The following KCNJ6 variants were observed in gnomAD, a reference collection of about 807,000 sequenced individuals.
KCNJ6 encodes the protein potassium inwardly rectifying channel subfamily J member 6, also known as G protein-activated inward rectifier potassium channel 2.
A neutral mutation model predicts 34.2 loss-of-function variants in KCNJ6; 9 were observed. The ratio of observed to expected loss-of-function variants is 0.26; its 90% CI spans 0.16 to 0.46. The LOEUF (loss-of-function observed/expected upper bound fraction) is 0.46, where lower values mean the gene tolerates loss of function less well. Ranked by LOEUF, KCNJ6 falls within the 20% of genes least tolerant of loss-of-function variation. The pLI is 1.00. For synonymous variants in KCNJ6, 196 were observed against 207.1 expected (o/e 0.95, Z 0.46); for missense variants, 236 against 531.3 (o/e 0.44, Z 5.46).
intron 2 of KCNJ6, among the ~76,000 whole-genome samples, chr21:37,752,341 C>T (rs1483186109): frequency 1.3e-5 from 2 of 152,178 alleles, no homozygotes; most frequent in East Asian, 3.9e-4. Flanking sequence ...AACAGGCTGA[C>T]CAGCATCCTA....
chr21:37,821,002 C>T (rs895533272), intron 2 of KCNJ6, among the ~76,000 whole-genome samples: 1 of 152,146 alleles, frequency 6.6e-6, no homozygotes, highest in African/African-American at 2.4e-5. Flanking sequence ...AGATACTAAT[C>T]TTCTATTTAA....
At chr21:37,633,228 A>C (rs1371611982) in intron 3 of KCNJ6, among the ~76,000 whole-genome samples, 1 of 152,172 alleles carries the variant, frequency 6.6e-6, no homozygotes, top group African/African-American at 2.4e-5. Flanking sequence ...AAAGATTGAA[A>C]GATCATTTAA....
chr21:37,766,375 T>C (rs1303504000), intron 2 of KCNJ6, among the ~76,000 whole-genome samples: 2 of 152,086 alleles, frequency 1.3e-5, no homozygotes, highest in Non-Finnish European at 2.9e-5. Flanking sequence ...TAAAAAGGAA[T>C]GGGTGCAGGG....
intron 3 of KCNJ6, among the ~76,000 whole-genome samples, chr21:37,634,218 C>T (rs1003855515): frequency 1.8e-4 from 27 of 152,150 alleles, no homozygotes; most frequent in Admixed American, 5.9e-4. Flanking sequence ...CTTGGTGCCA[C>T]GCCCAAGGTA....
chr21:37,655,179 T>TGTGTGTGTGTG (rs1377937886), intron 3 of KCNJ6, among the ~76,000 whole-genome samples: 18 of 24,022 alleles, frequency 7.5e-4, no homozygotes, highest in African/African-American at 3.0e-3. Context: ...CTCTAGACAT[T>TGTGTGTGTGTG]TGTGTGTGTG....
At chr21:37,778,689 C>CG (rs1555843328) in intron 2 of KCNJ6, among the ~76,000 whole-genome samples, 1 of 130,738 alleles carries the variant, frequency 7.6e-6, no homozygotes, top group Non-Finnish European at 1.6e-5. Flanking sequence ...TATCCGTGTG[C>CG]TGTGTGCGTG....
chr21:37,818,370 AGGC>A (rs1423675877), intron 2 of KCNJ6, among the ~76,000 whole-genome samples: 1 of 152,180 alleles, frequency 6.6e-6, no homozygotes, highest in Non-Finnish European at 1.5e-5. Context: ...ATTATCTAAA[AGGC>A]GGGCAGGGAC....
At chr21:37,807,592 A>G (rs548786491) in intron 2 of KCNJ6, among the ~76,000 whole-genome samples, 1 of 152,354 alleles carries the variant, frequency 6.6e-6, no homozygotes, top group Admixed American at 6.5e-5. Flanking sequence ...ATTGTGTTCC[A>G]ATTTCCTACA....
chr21:37,906,924 G>A (rs2055844522), intron 1 of KCNJ6, among the ~76,000 whole-genome samples: 2 of 152,150 alleles, frequency 1.3e-5, no homozygotes, highest in South Asian at 4.1e-4. Flanking sequence ...GGTATTGACT[G>A]GTGAGACCTT....
chr21:37,912,434 T>A (rs2055871316), intron 1 of KCNJ6, among the ~76,000 whole-genome samples: 1 of 152,218 alleles, frequency 6.6e-6, no homozygotes, highest in Admixed American at 6.5e-5. Context: ...CACCCCCCTT[T>A]TTAATTTATT....
chr21:37,654,579 G>A (rs2054449125), intron 3 of KCNJ6, among the ~76,000 whole-genome samples: 1 of 152,090 alleles, frequency 6.6e-6, no homozygotes, highest in Admixed American at 6.5e-5. Context: ...GACCCCTCTG[G>A]CCACCATGCA....
intron 1 of KCNJ6, among the ~76,000 whole-genome samples, chr21:37,869,086 C>A (rs2123610579): frequency 6.6e-6 from 1 of 152,330 alleles, no homozygotes; most frequent in Admixed American, 6.5e-5. Flanking sequence ...GCAGTGAATT[C>A]TTTAGGGATG....
chr21:37,844,294 G>C (rs999616630), intron 1 of KCNJ6, among the ~76,000 whole-genome samples: 1 of 152,004 alleles, frequency 6.6e-6, no homozygotes, highest in African/African-American at 2.4e-5. Context: ...TGTTGACCTC[G>C]TGATCCGCCC....
chr21:37,725,019 C>T (rs773142698), intron 2 of KCNJ6, among the ~76,000 whole-genome samples: 58 of 151,282 alleles, frequency 3.8e-4, no homozygotes, highest in Non-Finnish European at 7.8e-4. Context: ...ATATTTCTGA[C>T]AATGTAAAAA....
chr21:37,867,425 A>T (rs1207367443), intron 1 of KCNJ6, among the ~76,000 whole-genome samples: 1 of 152,140 alleles, frequency 6.6e-6, no homozygotes, highest in East Asian at 1.9e-4. Flanking sequence ...AAACTGTTTT[A>T]TTTTTATTTT....
intron 2 of KCNJ6, among the ~76,000 whole-genome samples, chr21:37,821,806 T>C (rs2055374515): frequency 6.6e-6 from 1 of 152,258 alleles, no homozygotes; most frequent in Non-Finnish European, 1.5e-5. Flanking sequence ...ATCTATATCC[T>C]TTATTTTATC....
chr21:37,674,151 A>C (rs1389008128), intron 3 of KCNJ6, among the ~76,000 whole-genome samples: 2 of 152,114 alleles, frequency 1.3e-5, no homozygotes, highest in Non-Finnish European at 2.9e-5. Flanking sequence ...TTCACCTTCA[A>C]CCCAACCTGT....
At chr21:37,642,335 G>C (rs534262199) in intron 3 of KCNJ6, among the ~76,000 whole-genome samples, 2 of 152,312 alleles carry the variant, frequency 1.3e-5, no homozygotes, top group South Asian at 2.1e-4. Context: ...GATGTTGAAA[G>C]AGAGAGGCTG....
intron 2 of KCNJ6, among the ~76,000 whole-genome samples, chr21:37,781,927 G>A (rs907365586): frequency 1.3e-5 from 2 of 152,228 alleles, no homozygotes; most frequent in East Asian, 1.9e-4. Flanking sequence ...TCCCAAAGAC[G>A]TCCACATCCC....
Sources: allele counts gnomAD v4.1 joint callset (sites outside exome capture counted in the v4.1 genomes callset), GRCh38; gene constraint gnomAD v4.1.1; transcripts MANE v1.5; gene names NCBI Gene and HGNC (gene_info 2026-07-23, HGNC 2026-07-21).